Variants in STAU1 observed in about 807,000 individuals in gnomAD.
STAU1 encodes the protein double-stranded RNA-binding protein Staufen homolog 1.
STAU1 carries 13 observed loss-of-function variants against 62.9 expected under a neutral mutation model. That is an observed-to-expected ratio of 0.21 (90% CI 0.13 to 0.33). STAU1 has a LOEUF of 0.33. Among genes scored for constraint, STAU1 ranks in the 10% least tolerant of loss-of-function variants. The probability of loss-of-function intolerance (pLI) is 1.00; values close to 1 mark genes in which losing one functional copy is unlikely to be tolerated. For synonymous variants in STAU1, 269 were observed against 265.1 expected, an observed-to-expected ratio of 1.01 and a Z score of -0.14; for missense variants, 571 against 712.1, an observed-to-expected ratio of 0.80 and a Z score of 2.25.
Position 49,114,084 on chromosome 20 carries a change from C to T in STAU1, c.*794G>A, listed in dbSNP as rs551647987. The T allele has an allele frequency of 2.0e-5, 3 of 152,696 alleles. No individual in the cohort carries two copies. In the East Asian group the frequency reaches 5.8e-4, roughly 29 times the overall value. The allele number at this position is 152,696 out of a possible 1,614,324, so 9.5% of individuals were successfully genotyped here. The stretch of plus-strand genomic sequence containing the variant: ...TGTTTCAGCTGAACCAGAGGGCACA[C>T]AATTTGCATCACTGAAACTGTCCTG... On this transcript the variant is annotated 3_prime_UTR_variant, in exon 14 of 14. Transcript: ENST00000371856.
the STAU1 span, among the ~76,000 whole-genome samples, chr20:49,216,007 CAAAAAAAA>C: frequency 1.1e-4 from 4 of 36,458 alleles, no homozygotes; most frequent in East Asian, 1.6e-3. Flanking sequence ...GACTATGTCT[CAAAAAAAA>C]AAAAAAAAAA....
chr20:49,116,035 T>A (rs1341428823), intron 12 of STAU1, among the ~76,000 whole-genome samples, 168 bp from the exon 13 acceptor site: 1 of 152,192 alleles, frequency 6.6e-6, no homozygotes, highest in Non-Finnish European at 1.5e-5. Flanking sequence ...AAAATACAAA[T>A]TAAAAAATAT....
At chr20:49,136,802 A>G (rs1600685516) in intron 5 of STAU1, among the ~76,000 whole-genome samples, 1 of 151,968 alleles carries the variant, frequency 6.6e-6, no homozygotes, top group East Asian at 1.9e-4. Flanking sequence ...GGTTCAAGCG[A>G]TTCTCCTGCC....
chr20:49,206,970 A>G, the STAU1 span, among the ~76,000 whole-genome samples: 119 of 151,314 alleles, frequency 7.9e-4, 1 homozygote, highest in Middle Eastern at 6.8e-3. Flanking sequence ...TGGCCAGGAT[A>G]GTCTTGATTT....
chr20:49,134,781 T>C (rs879185239), intron 6 of STAU1: 5 of 1,210,484 alleles, frequency 4.1e-6, no homozygotes, highest in Admixed American at 1.7e-5. Context: ...CTGGGAATCA[T>C]TAGTTTTCCC....
chr20:49,130,102 G>A (rs1209976478), intron 6 of STAU1, among the ~76,000 whole-genome samples: 1 of 146,738 alleles, frequency 6.8e-6, no homozygotes, highest in Admixed American at 6.8e-5. Flanking sequence ...TAGATACACT[G>A]TAGTGTGTAC....
chr20:49,213,537 T>G, the STAU1 span, among the ~76,000 whole-genome samples: 1 of 152,092 alleles, frequency 6.6e-6, no homozygotes, highest in South Asian at 2.1e-4. Context: ...CTATTTGCTT[T>G]TAATGTGGGG....
chr20:49,149,897 C>T (rs867658069), intron 5 of STAU1, among the ~76,000 whole-genome samples: 2 of 151,990 alleles, frequency 1.3e-5, no homozygotes, highest in Admixed American at 6.6e-5. Flanking sequence ...AAGGTCCACT[C>T]GGGTCTACAC....
At chr20:49,214,346 C>G in the STAU1 span, among the ~76,000 whole-genome samples, 1 of 152,072 alleles carries the variant, frequency 6.6e-6, no homozygotes, top group Admixed American at 6.6e-5. Context: ...GGTGAAAACC[C>G]GTCACTACTA....
chr20:49,184,229 G>C (rs1024994687), intron 1 of STAU1, among the ~76,000 whole-genome samples: 1 of 152,072 alleles, frequency 6.6e-6, no homozygotes, highest in East Asian at 1.9e-4. Context: ...GCAGTAAGCC[G>C]AGACTGCACC....
In STAU1 at chr20:49,178,228, C is replaced by G. The variant is rs114459178; in HGVS notation, c.-159-3959G>C. The stretch of plus-strand genomic sequence containing the variant: ...CATATGCAAATCTATTTTTTGAAAT[C>G]CTCCAATTTCAAAAGATAATCCAAA... On this transcript the variant is annotated intron_variant, in intron 1 of 13. Transcript: ENST00000371856. Among the ~76,000 whole-genome samples the G allele has an allele frequency of 6.0e-3, 918 of 152,200 alleles. 12 individuals carry two copies. The highest frequency in any genetic ancestry group is 0.021 in the African/African-American group (866 of 41,532).
chr20:49,135,717 TG>T, intron 6 of STAU1, 115 bp downstream of exon 6: 1 of 765,240 alleles, frequency 1.3e-6, no homozygotes, highest in Non-Finnish European at 2.1e-6. Context: ...ATCTTAAATT[TG>T]GAGGTTCACA....
chr20:49,215,523 G>A, the STAU1 span, among the ~76,000 whole-genome samples: 4 of 152,230 alleles, frequency 2.6e-5, no homozygotes, highest in South Asian at 2.1e-4. Flanking sequence ...GAAAAGAAAC[G>A]GTGATATCTA....
the STAU1 span, among the ~76,000 whole-genome samples, chr20:49,202,230 A>AAAAAAG: frequency 7.7e-6 from 1 of 130,366 alleles, no homozygotes; most frequent in Non-Finnish European, 1.6e-5. Context: ...AAAAAAAAAA[A>AAAAAAG]AAAGAAAGAA....
At chr20:49,168,409 T>C (rs760411993) in intron 2 of STAU1, among the ~76,000 whole-genome samples, 21 of 152,160 alleles carry the variant, frequency 1.4e-4, no homozygotes, top group Non-Finnish European at 1.9e-4. Flanking sequence ...GTAAGTTTTC[T>C]AGAAGCTGAG....
chr20:49,142,083 A>G (rs2093020385), intron 5 of STAU1, among the ~76,000 whole-genome samples: 1 of 148,516 alleles, frequency 6.7e-6, no homozygotes, highest in Non-Finnish European at 1.5e-5. Context: ...AACAACAAAT[A>G]TTTATTTTTT....
chr20:49,215,626 G>C, the STAU1 span, among the ~76,000 whole-genome samples: 11 of 152,226 alleles, frequency 7.2e-5, no homozygotes, highest in Admixed American at 3.9e-4. Flanking sequence ...ATCTTCAGTT[G>C]GTGCCACTAC....
At chr20:49,176,881 C>G (rs1040672549) in intron 1 of STAU1, among the ~76,000 whole-genome samples, 3 of 150,878 alleles carry the variant, frequency 2.0e-5, no homozygotes, top group Non-Finnish European at 2.9e-5. Flanking sequence ...TCCAAATTCC[C>G]TATCCCCTAT....
At chr20:49,213,847 G>A in the STAU1 span, among the ~76,000 whole-genome samples, 1 of 152,194 alleles carries the variant, frequency 6.6e-6, no homozygotes, top group South Asian at 2.1e-4. Context: ...TGAAAACCAC[G>A]AAAAGATCAA....
Sources: gnomAD v4.1 joint callset for allele counts (sites outside exome capture counted in the v4.1 genomes callset) on GRCh38, gnomAD v4.1.1 for gene constraint, MANE v1.5 for transcripts, NCBI Gene and HGNC (gene_info 2026-07-23, HGNC 2026-07-21) for gene names.